The following HFM1 variants were observed in gnomAD, a reference collection of about 807,000 sequenced individuals.
HFM1 encodes helicase for meiosis 1, also known as probable ATP-dependent DNA helicase HFM1.
A neutral mutation model predicts 192.1 loss-of-function variants in HFM1; 169 were observed. That is an observed-to-expected ratio of 0.88 (90% CI 0.78 to 1.00). The LOEUF (loss-of-function observed/expected upper bound fraction) is 1.00. Among genes scored for constraint, HFM1 ranks in the 50% least tolerant of loss-of-function variants. The pLI is 0.00. For synonymous variants in HFM1, 525 were observed against 537.8 expected, an observed-to-expected ratio of 0.98 and a Z score of 0.33; for missense variants, 1,661 against 1,668.0, an observed-to-expected ratio of 1.00 and a Z score of 0.07.
intron 20 of HFM1, among the ~76,000 whole-genome samples, chr1:91,340,042 G>A (rs1351211067): frequency 1.3e-5 from 2 of 152,140 alleles, no homozygotes; most frequent in Non-Finnish European, 2.9e-5. Context: ...GTCTTACTCT[G>A]TCACCCAGGA....
At chr1:91,365,134 C>T (rs950564840) in intron 13 of HFM1, among the ~76,000 whole-genome samples, 6 of 151,868 alleles carry the variant, frequency 4.0e-5, no homozygotes, top group African/African-American at 1.4e-4. Context: ...ACATGTGAAA[C>T]GTGTTTTTAA....
chr1:91,265,167 T>A (rs1287673465), intron 36 of HFM1, among the ~76,000 whole-genome samples: 1 of 152,196 alleles, frequency 6.6e-6, no homozygotes, highest in Non-Finnish European at 1.5e-5. Context: ...AATTGTTTTT[T>A]CTGTGCTTAA....
At chr1:91,329,891 G>C (rs1422507215) in intron 20 of HFM1, among the ~76,000 whole-genome samples, 1 of 152,184 alleles carries the variant, frequency 6.6e-6, no homozygotes, top group Non-Finnish European at 1.5e-5. Context: ...CCAACTGGTG[G>C]CCAGTGGGAG....
At chr1:91,366,143 CA>C (rs1659280939) in intron 13 of HFM1, among the ~76,000 whole-genome samples, 1 of 151,978 alleles carries the variant, frequency 6.6e-6, no homozygotes, top group Non-Finnish European at 1.5e-5. Context: ...TTATCTGAAA[CA>C]AAATTAGCTA....
chr1:91,378,956 G>T, intron 9 of HFM1, 107 bp downstream of exon 9: 1 of 611,898 alleles, frequency 1.6e-6, no homozygotes, highest in Non-Finnish European at 2.7e-6. Context: ...TGTTTGCATT[G>T]TAAATATATG....
chr1:91,385,726 C>T lies in HFM1; in HGVS notation c.603G>A (p.Gly201=). The stretch of plus-strand genomic sequence containing the variant: ...TACTATTGCTATAGTTCCTTGATTT[C>T]CCTTTGTTCATTTCTGTTTGTACAA... ...VKIVQTEMNK[G]KSRNYSNSKQ... is the part of the protein sequence containing the mutation. Residue 201 remains glycine, a synonymous_variant, in exon 5 of 39, where the codon GGG becomes GGA. Transcript: ENST00000370425. 1.2e-6 allele frequency: 2 copies of T among 1,612,830 alleles called. No homozygotes were observed. The highest frequency in any genetic ancestry group is 1.7e-6 in the Non-Finnish European group (2 of 1,178,958).
At chr1:91,289,275 C>T (rs1168515225) in intron 30 of HFM1, among the ~76,000 whole-genome samples, 1 of 150,824 alleles carries the variant, frequency 6.6e-6, no homozygotes, top group Non-Finnish European at 1.5e-5. Flanking sequence ...GGCGGCGGGG[C>T]AGAGGCGCTC....
In HFM1 at chr1:91,312,041, C is replaced by T. The variant is rs539447270; in HGVS notation, c.3391+1308G>A. ...CTGTGGGTACACAGAAGTCAAGAAT[C>T]GAGGTTTGGGAACCTCCACCTGGAT... is the stretch of plus-strand genomic sequence containing the variant. On this transcript the variant is annotated intron_variant, in intron 30 of 38. Transcript: ENST00000370425. Among the ~76,000 whole-genome samples, 186 of 152,284 alleles carry T rather than the reference C, an allele frequency of 1.2e-3. No individual in the cohort carries two copies. In the Middle Eastern group the frequency reaches 0.014, roughly 11 times the overall value.
At chr1:91,351,373 T>TA (rs1461385672) in intron 17 of HFM1, among the ~76,000 whole-genome samples, 176 bp downstream of exon 17, 1 of 151,948 alleles carries the variant, frequency 6.6e-6, no homozygotes, top group Non-Finnish European at 1.5e-5. Context: ...TAGTACCTTT[T>TA]AAAAAAATTA....
intron 30 of HFM1, among the ~76,000 whole-genome samples, chr1:91,310,827 A>C (rs1650339201): frequency 6.6e-6 from 1 of 152,212 alleles, no homozygotes; most frequent in Non-Finnish European, 1.5e-5. Flanking sequence ...GCCATGTGAA[A>C]CTGTTAAGTA....
At chr1:91,308,533 C>CT (rs1429930350) in intron 30 of HFM1, among the ~76,000 whole-genome samples, 8 of 151,988 alleles carry the variant, frequency 5.3e-5, no homozygotes, top group African/African-American at 1.5e-4. Flanking sequence ...TTATTTTATA[C>CT]TTTTTTTAAA....
chr1:91,309,733 G>A (rs1404761324), intron 30 of HFM1, among the ~76,000 whole-genome samples: 2 of 152,042 alleles, frequency 1.3e-5, no homozygotes, highest in African/African-American at 4.8e-5. Context: ...ATGATAGAAG[G>A]CATATATAGA....
intron 30 of HFM1, among the ~76,000 whole-genome samples, chr1:91,296,620 C>A (rs539553221): frequency 2.6e-5 from 4 of 152,084 alleles, no homozygotes; most frequent in Non-Finnish European, 4.4e-5. Context: ...TTGGGGAGAA[C>A]TGACATCTTT....
intron 30 of HFM1, among the ~76,000 whole-genome samples, chr1:91,297,944 T>C (rs1028713403): frequency 2.3e-4 from 35 of 152,278 alleles, no homozygotes; most frequent in African/African-American, 8.4e-4. Context: ...GGACGGAGAA[T>C]GACTTTGATG....
At chr1:91,292,547 A>G (rs1668894355) in intron 30 of HFM1, among the ~76,000 whole-genome samples, 2 of 151,914 alleles carry the variant, frequency 1.3e-5, no homozygotes, top group African/African-American at 4.8e-5. Flanking sequence ...TCAAGAAAAT[A>G]AAAGAGCATA....
intron 6 of HFM1, among the ~76,000 whole-genome samples, chr1:91,382,741 G>C (rs948554496): frequency 3.3e-5 from 5 of 152,258 alleles, no homozygotes; most frequent in South Asian, 4.1e-4. Context: ...TTCACAAAAT[G>C]AATCTTTGAT....
chr1:91,407,625 T>C (rs554675763), upstream of HFM1, among the ~76,000 whole-genome samples: 8 of 152,360 alleles, frequency 5.3e-5, no homozygotes, highest in Middle Eastern at 6.8e-3. Context: ...ATATACCACA[T>C]TTTGTTTATC....
chr1:91,307,598 G>A (rs769782950), intron 30 of HFM1, among the ~76,000 whole-genome samples: 1 of 151,978 alleles, frequency 6.6e-6, no homozygotes, highest in Non-Finnish European at 1.5e-5. Flanking sequence ...GACCACTGGT[G>A]CACATCACCA....
intron 30 of HFM1, among the ~76,000 whole-genome samples, chr1:91,306,513 TG>T (rs2101078875): frequency 6.6e-6 from 1 of 152,322 alleles, no homozygotes; most frequent in South Asian, 2.1e-4. Context: ...TACTTTTGAA[TG>T]GTAAGCCTCT....
Sources: allele counts gnomAD v4.1 joint callset (sites outside exome capture counted in the v4.1 genomes callset), GRCh38; gene constraint gnomAD v4.1.1; transcripts MANE v1.5; gene names NCBI Gene and HGNC (gene_info 2026-07-23, HGNC 2026-07-21).